BPIFA3: variants seen among roughly 807,000 people sequenced by gnomAD.
BPIFA3 encodes the protein BPI fold containing family A member 3.
Under a neutral mutation model 29.7 loss-of-function variants are expected in BPIFA3, and 32 were observed. The observed-to-expected ratio is 1.08, with a 90% CI of 0.81 to 1.45. The LOEUF (loss-of-function observed/expected upper bound fraction) is 1.45. Ranked by LOEUF, BPIFA3 falls within the 40% of genes most tolerant of loss-of-function variation. The pLI, the probability that BPIFA3 is intolerant of heterozygous loss-of-function variation, is 0.00. For synonymous variants in BPIFA3, 112 were observed against 113.7 expected (o/e 0.98, Z 0.10); for missense variants, 323 against 311.3 (o/e 1.04, Z -0.28).
At position 33,224,357 on chromosome 20, in the gene BPIFA3, T is replaced by C. The variant is rs770399365; in HGVS notation, c.281T>C (p.Ile94Thr). ...RKHQQQQESSINITNIQLDCG... is the reference protein window; with the variant it reads ...RKHQQQQESSTNITNIQLDCG... Reference sequence around the variant, plus strand: ...GCCTCTGCTCTTTCCTTGTGCAGCATCAACATCACCAACATTCAGCTGGAC... The same window carrying C: ...GCCTCTGCTCTTTCCTTGTGCAGCACCAACATCACCAACATTCAGCTGGAC... The change falls in exon 3 of 7, where the codon ATC (isoleucine) becomes ACC (threonine). Residue 94 changes from isoleucine (I) to threonine (T), a missense_variant and splice_region_variant. Ile to Thr is a moderately conservative substitution (Grantham distance 89). Coordinates refer to ENST00000375454, the MANE Select transcript of BPIFA3 (RefSeq NM_178466.5). 6.2e-7 allele frequency: 1 copy of C among 1,613,888 alleles called. No homozygotes were observed. Among genetic ancestry groups the C allele is most frequent in the Non-Finnish European group, 8.5e-7 (1 of 1,179,748 alleles).
chr20:33,222,819 G>T (rs1449468383), intron 1 of BPIFA3, among the ~76,000 whole-genome samples: 4 of 152,176 alleles, frequency 2.6e-5, no homozygotes, highest in African/African-American at 9.7e-5. Flanking sequence ...CATACCTATA[G>T]GTTCACTCTA....
intron 5 of BPIFA3, 31 bp from the exon 6 acceptor site, chr20:33,226,899 C>T: frequency 1.9e-6 from 3 of 1,614,004 alleles, no homozygotes; most frequent in Non-Finnish European, 2.5e-6. Context: ...CAGCCCCTGG[C>T]CTGATCCTTC....
rs1287489473 is a variant in BPIFA3 at position 33,223,831 on chromosome 20, A to C, written c.148A>C (p.Lys50Gln). The change falls in exon 2 of 7, where the codon AAG becomes CAG. Residue 50 changes from lysine to glutamine, a missense_variant. By Grantham distance (53) the Lys-to-Gln change is moderately conservative. Coordinates refer to ENST00000375454, the MANE Select transcript of BPIFA3 (RefSeq NM_178466.5). ...TCCAGTTATTGCTCAGGGCCTCATA[A>C]AGCACAACGCAGAAAGCCGAATTCA... ...LARIIAQGLI[K>Q]HNAESRIQNI... 6.2e-7 allele frequency: 1 copy of C among 1,613,968 alleles called. No homozygotes were observed. The highest frequency in any genetic ancestry group is 1.1e-5 in the South Asian group (1 of 91,080).
intron 1 of BPIFA3, among the ~76,000 whole-genome samples, chr20:33,221,987 G>A (rs1178644423): frequency 6.6e-6 from 1 of 152,202 alleles, no homozygotes; most frequent in Non-Finnish European, 1.5e-5. Flanking sequence ...CAGCTTCTCT[G>A]CAGTAACCCA....
chr20:33,222,306 G>A (rs1349826735), intron 1 of BPIFA3, among the ~76,000 whole-genome samples: 1 of 152,184 alleles, frequency 6.6e-6, no homozygotes, highest in African/African-American at 2.4e-5. Context: ...TGGCGCTATA[G>A]GCTGTCTTGC....
intron 1 of BPIFA3, among the ~76,000 whole-genome samples, chr20:33,220,255 G>A (rs58309738): frequency 5.1e-4 from 76 of 149,398 alleles, no homozygotes; most frequent in African/African-American, 1.7e-3. Context: ...GAAATTAGCC[G>A]GGCGTGGTGG....
intron 4 of BPIFA3, 103 bp from the exon 5 acceptor site, chr20:33,226,303 T>A: frequency 1.2e-6 from 1 of 826,246 alleles, no homozygotes; most frequent in Non-Finnish European, 2.0e-6. Flanking sequence ...TGGGGCTGAG[T>A]GAGGACTAAA....
chr20:33,223,940 A>C lies in BPIFA3; in HGVS notation c.257A>C (p.His86Pro). The C allele has an allele frequency of 6.2e-7, 1 of 1,614,130 alleles. No homozygotes were observed. The highest frequency in any genetic ancestry group is 1.3e-5 in the African/African-American group (1 of 75,058). The change falls in exon 2 of 7, where the codon CAC becomes CCC. Residue 86 changes from histidine to proline, a missense_variant. Transcript: ENST00000375454. The part of the protein sequence containing the change: ...LVGWLISGRK[H>P]QQQQESSINI... ...GGCTGGCTAATCAGCGGCAGGAAAC[A>C]CCAGCAGCAGCAAGAGAGCAGGTGA...
chr20:33,225,248 G>T lies in BPIFA3; in HGVS notation c.536+1G>T. On this transcript the variant is annotated splice_donor_variant, in intron 4 of 6. Coordinates refer to ENST00000375454, the MANE Select transcript of BPIFA3 (RefSeq NM_178466.5). LOFTEE classifies it high-confidence loss of function. ...GTGTCCATGTGGCCATCCTCACTGA[G>T]TAAGACCCCAGCTGCCCCTCCCCAG... 6.2e-7 allele frequency: 1 copy of T among 1,613,472 alleles called. No homozygotes were observed. The highest frequency in any genetic ancestry group is 1.1e-5 in the South Asian group (1 of 91,034).
chr20:33,224,070 G>A (rs1985659739), intron 2 of BPIFA3, 109 bp downstream of exon 2: 1 of 1,371,398 alleles, frequency 7.3e-7, no homozygotes, highest in South Asian at 1.4e-5. Flanking sequence ...AAGAGGGAAG[G>A]TAGGAAGATT....
chr20:33,226,803 A>G (rs1002379047), intron 5 of BPIFA3, 127 bp from the exon 6 acceptor site: 6 of 1,114,012 alleles, frequency 5.4e-6, no homozygotes, highest in Non-Finnish European at 8.0e-6. Flanking sequence ...GCTCACTACA[A>G]GGGAGCTGCT....
intron 6 of BPIFA3, 81 bp downstream of exon 6, chr20:33,227,074 A>C (rs1985819761): frequency 7.6e-7 from 1 of 1,309,666 alleles, no homozygotes; most frequent in Admixed American, 1.7e-5. Context: ...TGGAGCCCCC[A>C]GGGAGGCCTG....
Position 33,227,690 on chromosome 20 carries a change from T to C in BPIFA3, c.*73T>C. The C allele has an allele frequency of 2.3e-6, 3 of 1,331,412 alleles. No individual in the cohort carries two copies. The South Asian group carries it at 3.6e-5, about 16-fold the overall frequency. The allele number at this position is 1,331,412 out of a possible 1,614,324, so 82.5% of individuals were successfully genotyped here. ...CCTTAGAGTGGGGCTTCTGCTACCC[T>C]AAAAACTTTACCCCAGGCTCTGTGG... On this transcript the variant is annotated 3_prime_UTR_variant, in exon 7 of 7. Coordinates refer to ENST00000375454, the MANE Select transcript of BPIFA3 (RefSeq NM_178466.5).
At chr20:33,224,574 A>AGG in intron 3 of BPIFA3, 112 bp downstream of exon 3, 1 of 911,726 alleles carries the variant, frequency 1.1e-6, no homozygotes, top group Non-Finnish European at 1.7e-6. Flanking sequence ...TTCCAAAGCC[A>AGG]CTTGCTGTGT....
rs547717030 is a variant in BPIFA3, at chr20:33,227,668, T to C, written c.*51T>C. The C allele has an allele frequency of 4.0e-6, 6 of 1,493,168 alleles. No individual in the cohort carries two copies. Among genetic ancestry groups the C allele is most frequent in the Admixed American group, 1.7e-5 (1 of 59,634 alleles). 92.5% of individuals were successfully genotyped at this position (1,493,168 alleles called of 1,614,324 possible). A position where few individuals can be genotyped will look rare whatever the true frequency, so the allele number is the denominator to read the frequency against. Reference sequence around the variant, plus strand: ...ACATCTTGCAACCTTAAGTCTCCCTTAGAGTGGGGCTTCTGCTACCCTAAA... The same window carrying C: ...ACATCTTGCAACCTTAAGTCTCCCTCAGAGTGGGGCTTCTGCTACCCTAAA... On this transcript the variant is annotated 3_prime_UTR_variant, in exon 7 of 7. Coordinates refer to ENST00000375454, the MANE Select transcript of BPIFA3 (RefSeq NM_178466.5).
intron 4 of BPIFA3, 131 bp downstream of exon 4, chr20:33,225,378 C>A: frequency 7.6e-7 from 1 of 1,320,544 alleles, no homozygotes; most frequent in Non-Finnish European, 1.0e-6. Context: ...TCTGCTCCTC[C>A]TCCCATGTTC....
intron 1 of BPIFA3, among the ~76,000 whole-genome samples, chr20:33,218,788 T>C (rs1985379058): frequency 6.6e-6 from 1 of 152,008 alleles, no homozygotes; most frequent in Non-Finnish European, 1.5e-5. Context: ...TCTATGACAC[T>C]ATTTTTCTAC....
intron 2 of BPIFA3, 49 bp downstream of exon 2, chr20:33,224,010 T>G: frequency 2.5e-6 from 4 of 1,596,466 alleles, no homozygotes; most frequent in African/African-American, 1.3e-5. Context: ...TATAGAGCTC[T>G]AGATCGAAGG....
chr20:33,221,470 C>G (rs1197490322), intron 1 of BPIFA3, among the ~76,000 whole-genome samples: 1 of 152,154 alleles, frequency 6.6e-6, no homozygotes, highest in African/African-American at 2.4e-5. Context: ...ATTTCATTAG[C>G]TAATAATTTG....
Sources: gnomAD v4.1 joint callset for allele counts (sites outside exome capture counted in the v4.1 genomes callset) on GRCh38, gnomAD v4.1.1 for gene constraint, MANE v1.5 for transcripts, NCBI Gene and HGNC (gene_info 2026-07-23, HGNC 2026-07-21) for gene names.